The following NFIB variants were observed in gnomAD, a reference collection of about 807,000 sequenced individuals.
NFIB encodes the protein nuclear factor I B, also known as nuclear factor 1 B-type.
In NFIB, 11 loss-of-function variants were observed where a neutral mutation model predicts 61.5. The ratio of observed to expected loss-of-function variants is 0.18; its 90% CI spans 0.11 to 0.30. The LOEUF is 0.30. Ranked by LOEUF, NFIB falls within the 10% of genes least tolerant of loss-of-function variation. The probability of loss-of-function intolerance (pLI) is 1.00; values close to 1 mark genes in which losing one functional copy is unlikely to be tolerated. For missense variants in NFIB, 471 were observed against 608.9 expected, an observed-to-expected ratio of 0.77 and a Z score of 2.38; for synonymous variants, 260 against 216.5, an observed-to-expected ratio of 1.20 and a Z score of -1.76.
chr9:14,213,822 C>T (rs2050563107), intron 2 of NFIB, among the ~76,000 whole-genome samples: 1 of 152,160 alleles, frequency 6.6e-6, no homozygotes. Context: ...CATCTGTGCT[C>T]TTAGGAAAAT....
At position 14,125,998 on chromosome 9, in the gene NFIB, C is replaced by T. The variant is rs550514027; in HGVS notation, c.926-232G>A. On this transcript the variant is annotated intron_variant, in intron 6 of 10. Transcript: ENST00000380953. ...ATTAAAATTATCATCAGAATTATTC[C>T]CATTACTAAATAAATCTTAAACTTC... 2.0e-5 allele frequency among the ~76,000 whole-genome samples: 3 copies of T among 152,236 alleles called. No individual in the cohort carries two copies. In the South Asian group the frequency reaches 6.2e-4, roughly 32 times the overall value.
the NFIB span, among the ~76,000 whole-genome samples, chr9:14,486,781 G>A: frequency 6.6e-6 from 1 of 152,016 alleles, no homozygotes; most frequent in Non-Finnish European, 1.5e-5. Context: ...TATATAGCAT[G>A]GTGGGGTATA....
At chr9:14,138,341 A>G (rs1484561936) in intron 6 of NFIB, among the ~76,000 whole-genome samples, 1 of 152,146 alleles carries the variant, frequency 6.6e-6, no homozygotes, top group African/African-American at 2.4e-5. Context: ...TTCTTCAATA[A>G]ATAAATAACA....
At chr9:14,196,404 G>C (rs372736006) in intron 2 of NFIB, among the ~76,000 whole-genome samples, 88 of 152,274 alleles carry the variant, frequency 5.8e-4, no homozygotes, top group African/African-American at 2.0e-3. Flanking sequence ...CTGACTAAAT[G>C]TGGGTTATTT....
At chr9:14,298,324 T>A (rs1313100973) in intron 2 of NFIB, among the ~76,000 whole-genome samples, 1 of 152,170 alleles carries the variant, frequency 6.6e-6, no homozygotes, top group Non-Finnish European at 1.5e-5. Flanking sequence ...CACTTTTACC[T>A]CATATTATGA....
At chr9:14,412,155 T>C in the NFIB span, among the ~76,000 whole-genome samples, 2 of 152,300 alleles carry the variant, frequency 1.3e-5, no homozygotes, top group East Asian at 1.9e-4. Flanking sequence ...TGTATTGTTT[T>C]AAGCTACCAA....
chr9:14,196,295 T>C (rs1452519367), intron 2 of NFIB, among the ~76,000 whole-genome samples: 1 of 152,124 alleles, frequency 6.6e-6, no homozygotes, highest in Non-Finnish European at 1.5e-5. Flanking sequence ...TGAAAAAATA[T>C]GAACCCACTC....
At chr9:14,472,742 G>T in the NFIB span, among the ~76,000 whole-genome samples, 1 of 152,106 alleles carries the variant, frequency 6.6e-6, no homozygotes, top group African/African-American at 2.4e-5. Flanking sequence ...TCGGGAGGCT[G>T]AGGCAGGAGA....
In NFIB at chr9:14,087,530, T is replaced by A. The variant is rs182464977; in HGVS notation, c.*779A>T. On this transcript the variant is annotated 3_prime_UTR_variant, in exon 11 of 11. Transcript: ENST00000380953. ...ACTTCACCTACATAGAGGCATTTCT[T>A]CCATAGAGCCTTTGTGTTCAAACTG... The A allele has an allele frequency of 4.4e-6, 1 of 227,192 alleles. No individual in the cohort carries two copies. The highest frequency in any genetic ancestry group is 2.2e-5 in the African/African-American group (1 of 45,088). 14.1% of individuals were successfully genotyped at this position (227,192 alleles called of 1,614,324 possible).
At chr9:14,168,274 T>G (rs1291220632) in intron 3 of NFIB, among the ~76,000 whole-genome samples, 1 of 152,068 alleles carries the variant, frequency 6.6e-6, no homozygotes, top group Non-Finnish European at 1.5e-5. Flanking sequence ...GGATGATAGG[T>G]ATACAAAAAA....
the NFIB span, among the ~76,000 whole-genome samples, chr9:14,478,496 T>A: frequency 6.6e-6 from 1 of 152,220 alleles, no homozygotes; most frequent in African/African-American, 2.4e-5. Context: ...CCTAAAGAGA[T>A]CTTGTATAAA....
At chr9:14,224,363 A>G (rs1210130528) in intron 2 of NFIB, among the ~76,000 whole-genome samples, 1 of 152,226 alleles carries the variant, frequency 6.6e-6, no homozygotes, top group African/African-American at 2.4e-5. Context: ...TAAGAACTAA[A>G]GAGAATATTT....
chr9:14,263,494 A>C (rs930465205), intron 2 of NFIB, among the ~76,000 whole-genome samples: 1 of 152,206 alleles, frequency 6.6e-6, no homozygotes, highest in African/African-American at 2.4e-5. Context: ...ATTAAAACAT[A>C]AACTTATTTT....
At chr9:14,144,130 A>C (rs970424591) in intron 6 of NFIB, among the ~76,000 whole-genome samples, 5 of 152,100 alleles carry the variant, frequency 3.3e-5, no homozygotes, top group African/African-American at 7.2e-5. Context: ...TTGACAAAAG[A>C]AAATCACCAA....
intron 1 of NFIB, among the ~76,000 whole-genome samples, chr9:14,311,286 C>G (rs1235879609): frequency 6.6e-6 from 1 of 152,092 alleles, no homozygotes; most frequent in East Asian, 1.9e-4. Context: ...GAATGATACT[C>G]TATTTTGCAA....
At chr9:14,090,113 T>TAC in intron 10 of NFIB, among the ~76,000 whole-genome samples, 1 of 152,078 alleles carries the variant, frequency 6.6e-6, no homozygotes, top group South Asian at 2.1e-4. Flanking sequence ...CAAGATTACA[T>TAC]ATACTCATGA....
chr9:14,379,207 C>T (rs1307263528), intron 1 of NFIB, among the ~76,000 whole-genome samples: 2 of 152,184 alleles, frequency 1.3e-5, no homozygotes, highest in African/African-American at 2.4e-5. Context: ...TAATACCAAA[C>T]AATGAATGAC....
At chr9:14,243,764 T>C (rs2054590375) in intron 2 of NFIB, among the ~76,000 whole-genome samples, 1 of 152,172 alleles carries the variant, frequency 6.6e-6, no homozygotes, top group African/African-American at 2.4e-5. Context: ...GAAATGTTCA[T>C]CCACTCAAAG....
At chr9:14,179,658 TTATC>T (rs2046543415) in intron 3 of NFIB, 65 bp downstream of exon 3, 4 of 1,548,430 alleles carry the variant, frequency 2.6e-6, no homozygotes. Flanking sequence ...TATGGGGTGT[TTATC>T]TATACAGTGG....
Sources: allele counts gnomAD v4.1 joint callset (sites outside exome capture counted in the v4.1 genomes callset), GRCh38; gene constraint gnomAD v4.1.1; transcripts MANE v1.5; gene names NCBI Gene and HGNC (gene_info 2026-07-23, HGNC 2026-07-21).